The following TRIB2 variants were observed in gnomAD, a reference collection of about 807,000 sequenced individuals.
TRIB2 encodes tribbles homolog 2.
In TRIB2, 2 loss-of-function variants were observed where a neutral mutation model predicts 26.8. The observed-to-expected ratio is 0.07, with a 90% CI of 0.03 to 0.24. The LOEUF is 0.24. Ranked by LOEUF, TRIB2 falls within the 10% of genes least tolerant of loss-of-function variation. The pLI, the probability that TRIB2 is intolerant of heterozygous loss-of-function variation, is 1.00. For synonymous variants in TRIB2, 189 were observed against 187.3 expected, an observed-to-expected ratio of 1.01 and a Z score of -0.08; for missense variants, 306 against 449.0, an observed-to-expected ratio of 0.68 and a Z score of 2.88.
rs1318382743 is a variant in TRIB2, at chr2:12,740,863, G to A, written c.*69G>A. The A allele has an allele frequency of 1.4e-6, 2 of 1,422,318 alleles. No homozygotes were observed. The highest frequency in any genetic ancestry group is 2.8e-5 in the African/African-American group (2 of 70,214). 88.1% of individuals were successfully genotyped at this position (1,422,318 alleles called of 1,614,324 possible). ...GGGCAGCGGAAAGGAGTTCTTCCGG[G>A]GGACACGAATTGCCTGGCTGAGTAG... On this transcript the variant is annotated 3_prime_UTR_variant, in exon 3 of 3. Coordinates refer to ENST00000155926, the MANE Select transcript of TRIB2 (RefSeq NM_021643.4). This position sits in a 1 kb window ranked among gnomAD's most constrained non-coding sequence, Gnocchi z 5.8.
intron 2 of TRIB2, among the ~76,000 whole-genome samples, chr2:12,736,436 TCC>T (rs1292058712): frequency 2.0e-5 from 3 of 151,144 alleles, no homozygotes; most frequent in Non-Finnish European, 4.4e-5. Context: ...CATATCTCCC[TCC>T]CACCTTTACT....
chr2:12,734,947 C>G (rs1048212977), intron 2 of TRIB2, among the ~76,000 whole-genome samples: 1 of 152,202 alleles, frequency 6.6e-6, no homozygotes, highest in Non-Finnish European at 1.5e-5. Context: ...CCACCAGGGA[C>G]TCCCCATACA....
chr2:12,723,942 C>A (rs1360662047), intron 2 of TRIB2, among the ~76,000 whole-genome samples: 3 of 152,196 alleles, frequency 2.0e-5, no homozygotes, highest in African/African-American at 7.2e-5. Flanking sequence ...TTCATCCATG[C>A]ACTCATTCAG....
At chr2:12,739,532 T>C (rs962297239) in intron 2 of TRIB2, among the ~76,000 whole-genome samples, 1 of 152,174 alleles carries the variant, frequency 6.6e-6, no homozygotes, top group African/African-American at 2.4e-5. Flanking sequence ...TTTGAGACAC[T>C]GGGCCTGACC....
chr2:12,717,725 C>T lies in TRIB2; in HGVS notation c.-583C>T. 2 of 381,876 alleles carry T rather than the reference C, an allele frequency of 5.2e-6. No individual in the cohort carries two copies. The highest frequency in any genetic ancestry group is 9.3e-6 in the Non-Finnish European group (2 of 216,192). 23.7% of individuals were successfully genotyped at this position (381,876 alleles called of 1,614,324 possible). A position where few individuals can be genotyped will look rare whatever the true frequency, so the allele number is the denominator to read the frequency against. On this transcript the variant is annotated 5_prime_UTR_variant, in exon 1 of 3. Transcript: ENST00000155926. This position sits in a 1 kb window ranked among gnomAD's most constrained non-coding sequence, Gnocchi z 4.8. ...TCTCCCGCACCCCCCCCTTACACGCCCCCCACCCTTTCCACCAAAAAAAGG... is the reference window on the plus strand; with the variant it reads ...TCTCCCGCACCCCCCCCTTACACGCTCCCCACCCTTTCCACCAAAAAAAGG...
At chr2:12,726,463 CAG>C (rs1426188540) in intron 2 of TRIB2, among the ~76,000 whole-genome samples, 5 of 152,192 alleles carry the variant, frequency 3.3e-5, no homozygotes, top group Admixed American at 1.3e-4. Flanking sequence ...GGCCAAGTGT[CAG>C]GGGCCCAGGA....
In TRIB2 at chr2:12,718,854, C is replaced by T. The variant is rs1484522215; in HGVS notation, c.270+277C>T. Reference sequence around the variant, plus strand: ...GCCACGGACACGCGTGCACCGAAGGCTCCAGGAGCTCTCTGCGCGAGGCCG... The same window carrying T: ...GCCACGGACACGCGTGCACCGAAGGTTCCAGGAGCTCTCTGCGCGAGGCCG... On this transcript the variant is annotated intron_variant, in intron 1 of 2. Coordinates refer to ENST00000155926, the MANE Select transcript of TRIB2 (RefSeq NM_021643.4). This position sits in a 1 kb window ranked among gnomAD's most constrained non-coding sequence, Gnocchi z 4.0. Among the ~76,000 whole-genome samples the T allele has an allele frequency of 6.6e-6, 1 of 152,134 alleles. No individual in the cohort carries two copies. The highest frequency in any genetic ancestry group is 1.5e-5 in the Non-Finnish European group (1 of 68,028).
chr2:12,737,669 G>A (rs1442318042), intron 2 of TRIB2, among the ~76,000 whole-genome samples: 1 of 152,202 alleles, frequency 6.6e-6, no homozygotes, highest in Non-Finnish European at 1.5e-5. Flanking sequence ...AATAGAATGT[G>A]AGTGAGCACA....
chr2:12,728,804 G>A (rs1037430333), intron 2 of TRIB2, among the ~76,000 whole-genome samples: 1 of 152,160 alleles, frequency 6.6e-6, no homozygotes. Context: ...GGGTGGAGGC[G>A]TTTCTCCTTC....
In TRIB2 at chr2:12,723,401, C is replaced by A. The variant is rs1158862928; in HGVS notation, c.412C>A (p.His138Asn). 6.2e-7 allele frequency: 1 copy of A among 1,614,232 alleles called. No individual in the cohort carries two copies. The highest frequency in any genetic ancestry group is 1.7e-5 in the Admixed American group (1 of 60,036). Reference sequence around the variant, plus strand: ...CTTTGAGCGAAGCTATGGGGACATGCATTCCTTCGTCCGCACCTGCAAGAA... The same window carrying A: ...CTTTGAGCGAAGCTATGGGGACATGAATTCCTTCGTCCGCACCTGCAAGAA... ...VFFERSYGDM[H>N]SFVRTCKKLR... Residue 138 changes from histidine to asparagine, a missense_variant, in exon 2 of 3, where the codon CAT (histidine) becomes AAT (asparagine). Physicochemically the swap from His to Asn is moderately conservative, Grantham distance 68. Transcript: ENST00000155926.
chr2:12,718,809 G>A lies in TRIB2; in HGVS notation c.270+232G>A, dbSNP rs1321260145. Among the ~76,000 whole-genome samples, 1 of 152,180 alleles carries A rather than the reference G, an allele frequency of 6.6e-6. No homozygotes were observed. The highest frequency in any genetic ancestry group is 2.4e-5 in the African/African-American group (1 of 41,438). On this transcript the variant is annotated intron_variant, in intron 1 of 2. Transcript: ENST00000155926. This position sits in a 1 kb window ranked among gnomAD's most constrained non-coding sequence, Gnocchi z 4.0. ...TTCGGGGAGAGCCCGGGGAGGAGAGGGCGGCGGGACTGCGCGGGGGCCACG... is the reference window on the plus strand; with the variant it reads ...TTCGGGGAGAGCCCGGGGAGGAGAGAGCGGCGGGACTGCGCGGGGGCCACG...
At chr2:12,719,835 C>G (rs965125255) in intron 1 of TRIB2, among the ~76,000 whole-genome samples, 1 of 152,104 alleles carries the variant, frequency 6.6e-6, no homozygotes, top group Non-Finnish European at 1.5e-5. Flanking sequence ...AAATGTTGCC[C>G]TTTGCTTGTA....
Position 12,723,306 on chromosome 2 carries a change from G to T in TRIB2, c.317G>T (p.Cys106Phe). Residue 106 changes from cysteine to phenylalanine, a missense_variant, in exon 2 of 3, where the codon TGC (cysteine) becomes TTC (phenylalanine). Physicochemically the swap from Cys to Phe is radical, Grantham distance 205. Around this residue, in one of 4 missense-constraint regions of TRIB2, gnomAD observed 118 missense variants for 188.8 expected, o/e 0.63. Coordinates refer to ENST00000155926, the MANE Select transcript of TRIB2 (RefSeq NM_021643.4). The part of the protein sequence containing the change: ...CYQESLAPCF[C>F]LSAHSNINQI... The stretch of plus-strand genomic sequence containing the variant: ...CAGGAATCCCTGGCACCGTGCTTTT[G>T]CCTGTCTGCTCATAGTAACATCAAC... 6.2e-7 allele frequency: 1 copy of T among 1,614,200 alleles called. No homozygotes were observed. Among genetic ancestry groups the T allele is most frequent in the Non-Finnish European group, 8.5e-7 (1 of 1,180,048 alleles).
At position 12,732,609 on chromosome 2, in the gene TRIB2, T is replaced by A. The variant is rs1385082788; in HGVS notation, c.564-7717T>A. 6.6e-6 allele frequency among the ~76,000 whole-genome samples: 1 copy of A among 152,178 alleles called. No individual in the cohort carries two copies. Among genetic ancestry groups the A allele is most frequent in the African/African-American group, 2.4e-5 (1 of 41,452 alleles). On this transcript the variant is annotated intron_variant, in intron 2 of 2. Transcript: ENST00000155926. This position sits in a 1 kb window ranked among gnomAD's most constrained non-coding sequence, Gnocchi z 4.2. The stretch of plus-strand genomic sequence containing the variant: ...TGCAGAGGTGGCTCTCAGAGGTGAC[T>A]GTTGGAAAAGTCTGTGCATACATGA...
chr2:12,736,922 A>G (rs1259255981), intron 2 of TRIB2, among the ~76,000 whole-genome samples: 1 of 152,218 alleles, frequency 6.6e-6, no homozygotes, highest in Non-Finnish European at 1.5e-5. Flanking sequence ...AATAACCTTC[A>G]TTCGAGCAGA....
chr2:12,736,146 A>G (rs985918369), intron 2 of TRIB2, among the ~76,000 whole-genome samples: 2 of 152,122 alleles, frequency 1.3e-5, no homozygotes, highest in African/African-American at 4.8e-5. Flanking sequence ...AGAATCTAAA[A>G]TTGTGACCTG....
At chr2:12,738,559 C>G (rs1456670070) in intron 2 of TRIB2, among the ~76,000 whole-genome samples, 1 of 152,152 alleles carries the variant, frequency 6.6e-6, no homozygotes. Context: ...GACCCAAGGA[C>G]TACCTACAAC....
At chr2:12,734,456 G>C (rs1299920963) in intron 2 of TRIB2, among the ~76,000 whole-genome samples, 2 of 152,110 alleles carry the variant, frequency 1.3e-5, no homozygotes, top group African/African-American at 4.8e-5. Flanking sequence ...GAAGGAACGA[G>C]AATTCACATC....
Position 12,740,597 on chromosome 2 carries a change from C to T in TRIB2, c.835C>T (p.Pro279Ser). The change falls in exon 3 of 3, where the codon CCC becomes TCC. Residue 279 changes from proline to serine, a missense_variant. Physicochemically the swap from Pro to Ser is moderately conservative, Grantham distance 74 (BLOSUM62 -1). This residue lies in a region of TRIB2 where 78 missense variants were observed against 104.9 expected (regional missense o/e 0.74). Transcript: ENST00000155926. This position sits in a 1 kb window ranked among gnomAD's most constrained non-coding sequence, Gnocchi z 5.8. ...GQFNIPETLS[P>S]KAKCLIRSIL... ...GTTCAACATTCCAGAGACTCTGTCG[C>T]CCAAGGCCAAGTGCCTCATCCGAAG... 1 of 1,614,200 alleles carries T rather than the reference C, an allele frequency of 6.2e-7. No individual in the cohort carries two copies. Among genetic ancestry groups the T allele is most frequent in the South Asian group, 1.1e-5 (1 of 91,086 alleles).
Sources: allele counts gnomAD v4.1 joint callset (sites outside exome capture counted in the v4.1 genomes callset), GRCh38; gene constraint gnomAD v4.1.1; regional missense constraint gnomAD v4.1.1; non-coding constraint Gnocchi (gnomAD v3.1); transcripts MANE v1.5; gene names NCBI Gene and HGNC (gene_info 2026-07-23, HGNC 2026-07-21).